PPP6R1: variants seen among roughly 807,000 people sequenced by gnomAD.
The protein encoded by PPP6R1 is protein phosphatase 6 regulatory subunit 1.
PPP6R1 carries 39 observed loss-of-function variants against 104.6 expected under a neutral mutation model. That is an observed-to-expected ratio of 0.37 (90% CI 0.29 to 0.49). PPP6R1 has a LOEUF of 0.49. Among genes scored for constraint, PPP6R1 ranks in the 20% least tolerant of loss-of-function variants. The pLI is 0.98. For missense variants in PPP6R1, 1,181 were observed against 1,155.8 expected (o/e 1.02, Z -0.32); for synonymous variants, 549 against 479.0 (o/e 1.15, Z -1.91).
At chr19:55,252,435 G>A (rs111836069) in intron 1 of PPP6R1, among the ~76,000 whole-genome samples, 414 of 139,790 alleles carry the variant, frequency 3.0e-3, no homozygotes, top group African/African-American at 0.011. Context: ...GTTTCGCTCT[G>A]TCACCCAGGC....
chr19:55,242,323 C>T (rs777220193), intron 6 of PPP6R1, 44 bp from the exon 7 acceptor site: 26 of 1,612,716 alleles, frequency 1.6e-5, no homozygotes, highest in African/African-American at 1.3e-4. Flanking sequence ...GCCAGGGGCC[C>T]AGGGCTTCCC....
rs367721320 is a variant in PPP6R1 at position 55,237,008 on chromosome 19, T to C, written c.1752-38A>G. ...GCAAGGCATGGTGAGAAGGTCCACC[T>C]GGGGGTGGGGGCAGCACAGGACAGG... On this transcript the variant is annotated intron_variant, in intron 15 of 23. Coordinates refer to ENST00000412770, the MANE Select transcript of PPP6R1 (RefSeq NM_014931.4). The C allele has an allele frequency of 5.9e-5, 91 of 1,553,430 alleles. No individual in the cohort carries two copies. The African/African-American group carries it at 1.1e-3, about 18-fold the overall frequency.
intron 1 of PPP6R1, among the ~76,000 whole-genome samples, chr19:55,253,198 T>A (rs2087567015): frequency 6.6e-6 from 1 of 152,142 alleles, no homozygotes; most frequent in African/African-American, 2.4e-5. Context: ...CGGCTCCACA[T>A]CAAGACCAAG....
intron 1 of PPP6R1, among the ~76,000 whole-genome samples, chr19:55,256,322 C>T (rs577434529): frequency 8.5e-5 from 13 of 152,350 alleles, no homozygotes; most frequent in African/African-American, 2.4e-4. Context: ...CGGTTCTTTT[C>T]GGTGTTGGGG....
At position 55,230,138 on chromosome 19, in the gene PPP6R1, C is replaced by T. The variant is rs2087326061; in HGVS notation, c.*390G>A. The stretch of plus-strand genomic sequence containing the variant: ...GACAGCTGGGCACGTGGGTGGCAAC[C>T]TTGGGACCCCTAACACCAGCTCCCG... On this transcript the variant is annotated 3_prime_UTR_variant, in exon 24 of 24. Coordinates refer to ENST00000412770, the MANE Select transcript of PPP6R1 (RefSeq NM_014931.4). The T allele has an allele frequency of 9.6e-6, 2 of 207,292 alleles. No individual in the cohort carries two copies. The highest frequency in any genetic ancestry group is 2.0e-4 in the South Asian group (2 of 9,856). The allele number at this position is 207,292 out of a possible 1,614,324, so 12.8% of individuals were successfully genotyped here. A position where few individuals can be genotyped will look rare whatever the true frequency, so the allele number is the denominator to read the frequency against.
chr19:55,243,864 G>C lies in PPP6R1; in HGVS notation c.618+1256C>G, dbSNP rs566158545. 1.2e-3 allele frequency among the ~76,000 whole-genome samples: 188 copies of C among 152,246 alleles called. 3 individuals carry two copies. In the South Asian group the frequency reaches 0.023, roughly 19 times the overall value. On this transcript the variant is annotated intron_variant, in intron 5 of 23. Coordinates refer to ENST00000412770, the MANE Select transcript of PPP6R1 (RefSeq NM_014931.4). ...GACAACGTCTTGCTATGTTGCCCAG[G>C]CTAGTCTCAAACTCCTGGGCTCAAG... is the stretch of plus-strand genomic sequence containing the variant.
chr19:55,257,548 A>G (rs2087602625), intron 1 of PPP6R1, among the ~76,000 whole-genome samples: 1 of 151,950 alleles, frequency 6.6e-6, no homozygotes, highest in African/African-American at 2.4e-5. Flanking sequence ...TCCTTCCTTG[A>G]CATATCTGCA....
Position 55,241,765 on chromosome 19 carries a change from C to G in PPP6R1, c.846-126G>C. 8.2e-7 allele frequency: 1 copy of G among 1,220,538 alleles called. No individual in the cohort carries two copies. Among genetic ancestry groups the G allele is most frequent in the Admixed American group, 2.9e-5 (1 of 34,424 alleles). The allele number at this position is 1,220,538 out of a possible 1,614,324, so 75.6% of individuals were successfully genotyped here. ...GAGGAGCCACATGCCCCCAGCGCCG[C>G]TCTCTTCTGAGGCCCTTCAGACAAC... On this transcript the variant is annotated intron_variant, in intron 7 of 23. Coordinates refer to ENST00000412770, the MANE Select transcript of PPP6R1 (RefSeq NM_014931.4). This position sits in a 1 kb window ranked among gnomAD's most constrained non-coding sequence, Gnocchi z 5.4.
At position 55,231,487 on chromosome 19, in the gene PPP6R1, AG is replaced by A. The variant is rs772979579; in HGVS notation, c.2381del (p.Pro794LeufsTer124). ...CCCCGATGCTAACCAAGGCCTGGCA[AG>A]GGGCTGTGGGGGATAAGAGATCTCA... ...EGSKVTEPSA[P>X]CQALVSIGDL... On this transcript the variant is annotated frameshift_variant, in exon 21 of 24. Transcript: ENST00000412770. LOFTEE classifies it high-confidence loss of function. 2 of 1,607,446 alleles carry A rather than the reference AG, an allele frequency of 1.2e-6. No homozygotes were observed. Among genetic ancestry groups the A allele is most frequent in the South Asian group, 1.1e-5 (1 of 89,486 alleles).
chr19:55,241,673 C>A lies in PPP6R1; in HGVS notation c.846-34G>T. 2 of 1,520,984 alleles carry A rather than the reference C, an allele frequency of 1.3e-6. No individual in the cohort carries two copies. The highest frequency in any genetic ancestry group is 1.3e-5 in the South Asian group (1 of 79,168). The allele number at this position is 1,520,984 out of a possible 1,614,324, so 94.2% of individuals were successfully genotyped here. On this transcript the variant is annotated intron_variant, in intron 7 of 23. Coordinates refer to ENST00000412770, the MANE Select transcript of PPP6R1 (RefSeq NM_014931.4). The surrounding 1 kb of genome is among the most constrained non-coding windows in gnomAD (Gnocchi z 5.4). Reference sequence around the variant, plus strand: ...GGGCAGGGTCGAAGGCGGAGTGAGCCTAGATGGCCTGTGCGCCCACACAGG... The same window carrying A: ...GGGCAGGGTCGAAGGCGGAGTGAGCATAGATGGCCTGTGCGCCCACACAGG...
rs1026613525 is a variant in PPP6R1, at chr19:55,232,096, T to A, written c.2104A>T (p.Ser702Cys). The change falls in exon 18 of 24, where the codon AGC (serine) becomes TGC (cysteine). Residue 702 changes from serine to cysteine, a missense_variant. Physicochemically the swap from Ser to Cys is moderately radical, Grantham distance 112 (BLOSUM62 -1). Around this residue, in one of 2 missense-constraint regions of PPP6R1, gnomAD observed 1,042 missense variants for 955.6 expected, o/e 1.09. Transcript: ENST00000412770. Reference sequence around the variant, plus strand: ...TCACCTGGAGGCTGAGGGCCAGGGCTGGGGTAGGACAGAGGGGTGGCCCCT... The same window carrying A: ...TCACCTGGAGGCTGAGGGCCAGGGCAGGGGTAGGACAGAGGGGTGGCCCCT... ...RGGATPLSYP[S>C]PGPQPPGPSW... is the part of the protein sequence containing the mutation. 2.2e-5 allele frequency: 36 copies of A among 1,609,944 alleles called. No individual in the cohort carries two copies. The highest frequency in any genetic ancestry group is 3.1e-5 in the Non-Finnish European group (36 of 1,178,218).
chr19:55,230,738 A>ACCGCC, intron 22 of PPP6R1, 36 bp downstream of exon 22: 3 of 925,642 alleles, frequency 3.2e-6, no homozygotes, highest in Non-Finnish European at 1.6e-6. Flanking sequence ...CACCAGCCCC[A>ACCGCC]CCCCCACCCC....
At position 55,240,606 on chromosome 19, in the gene PPP6R1, C is replaced by T. The variant is rs367965769; in HGVS notation, c.1297-306G>A. ...ATGCTCACACATACATGTTCACATA[C>T]TCGTGTGCACTCACACACATACATG... On this transcript the variant is annotated intron_variant, in intron 10 of 23. Coordinates refer to ENST00000412770, the MANE Select transcript of PPP6R1 (RefSeq NM_014931.4). Among the ~76,000 whole-genome samples the T allele has an allele frequency of 7.3e-5, 11 of 151,528 alleles. No homozygotes were observed. The East Asian group carries it at 2.1e-3, about 29-fold the overall frequency.
rs537805563 is a variant in PPP6R1, at chr19:55,236,670, G to A, written c.1961C>T (p.Ala654Val). 66 of 1,589,348 alleles carry A rather than the reference G, an allele frequency of 4.2e-5. No homozygotes were observed. In the Admixed American group the frequency reaches 1.1e-3, roughly 27 times the overall value. Residue 654 changes from alanine to valine, a missense_variant, in exon 17 of 24, where the codon GCC (alanine) becomes GTC (valine). This residue lies in a region of PPP6R1 where 1,042 missense variants were observed against 955.6 expected (regional missense o/e 1.09). Transcript: ENST00000412770. ...GACACCAGGTGGCTGGCCCAGACGG[G>A]CCCCCCTGGCCAGCTGGCTGCCCTG... Reference protein sequence around the residue: ...AWQGSQLARGARLGQPPGVRS... With the variant: ...AWQGSQLARGVRLGQPPGVRS...
intron 1 of PPP6R1, among the ~76,000 whole-genome samples, chr19:55,248,878 T>G (rs980350461): frequency 2.0e-5 from 3 of 152,186 alleles, no homozygotes; most frequent in Non-Finnish European, 2.9e-5. Context: ...CTGGCTAGCT[T>G]GAAGCCAGGC....
chr19:55,236,965 G>T lies in PPP6R1; in HGVS notation c.1757C>A (p.Pro586His). The change falls in exon 16 of 24, where the codon CCT (proline) becomes CAT (histidine). Residue 586 changes from proline (P) to histidine (H), a missense_variant. Around this residue, in one of 2 missense-constraint regions of PPP6R1, gnomAD observed 1,042 missense variants for 955.6 expected, o/e 1.09. Transcript: ENST00000412770. ...FGEQEESVNA[P>H]FDKTANITFS... Reference sequence around the variant, plus strand: ...GGTGATGTTGGCTGTCTTGTCAAAAGGTGCGCTAGGAGAGAAGGCAAGGCA... The same window carrying T: ...GGTGATGTTGGCTGTCTTGTCAAAATGTGCGCTAGGAGAGAAGGCAAGGCA... 8.1e-6 allele frequency: 13 copies of T among 1,611,652 alleles called. No individual in the cohort carries two copies. Among genetic ancestry groups the T allele is most frequent in the Non-Finnish European group, 1.1e-5 (13 of 1,177,758 alleles).
In PPP6R1 at chr19:55,241,334, G is replaced by A; in HGVS notation, c.1066C>T (p.Leu356=). The A allele has an allele frequency of 1.9e-6, 3 of 1,611,806 alleles. No individual in the cohort carries two copies. Among genetic ancestry groups the A allele is most frequent in the Non-Finnish European group, 2.5e-6 (3 of 1,179,738 alleles). Residue 356 remains leucine (L), a synonymous_variant, in exon 9 of 24, where the codon CTG becomes TTG. Transcript: ENST00000412770. This position sits in a 1 kb window ranked among gnomAD's most constrained non-coding sequence, Gnocchi z 5.4. ...CTGGCCAGGAGCTTGACCACGTGCA[G>A]CCGCGTGTTGCCCAGAGGCGGAGCC... ...MLAPPLGNTR[L]HVVKLLASAL...
In PPP6R1 at chr19:55,246,884, G is replaced by A. The variant is rs908437763; in HGVS notation, c.220C>T (p.Arg74Cys). The A allele has an allele frequency of 1.9e-6, 3 of 1,598,564 alleles. No homozygotes were observed. Among genetic ancestry groups the A allele is most frequent in the Admixed American group, 1.7e-5 (1 of 58,114 alleles). ...AGGAGCTGGGGAACTCACTTGTAGC[G>A]CAGCCGCTCCTCACCGCTATCTGGC... ...EPPDSGEERL[R>C]YKYPSVACEI... is the part of the protein sequence containing the mutation. Residue 74 changes from arginine (R) to cysteine (C), a missense_variant, in exon 2 of 24, where the codon CGC becomes TGC. Physicochemically the swap from Arg to Cys is radical, Grantham distance 180. Transcript: ENST00000412770.
chr19:55,231,881 G>C lies in PPP6R1; in HGVS notation c.2227C>G (p.Gln743Glu), dbSNP rs2087351470. The change falls in exon 19 of 24, where the codon CAG becomes GAG. Residue 743 changes from glutamine (Q) to glutamate (E), a missense_variant. Coordinates refer to ENST00000412770, the MANE Select transcript of PPP6R1 (RefSeq NM_014931.4). ...CCCTGGGGCACACTGAGGGGCCCCT[G>C]TGGGGCTGGAGGCCCAGTGTGCAGC... ...EELHTGPPAP[Q>E]GPLSVPQGLP... 1.3e-6 allele frequency: 2 copies of C among 1,510,674 alleles called. No individual in the cohort carries two copies. Among genetic ancestry groups the C allele is most frequent in the East Asian group, 4.6e-5 (2 of 43,108 alleles). The allele number at this position is 1,510,674 out of a possible 1,614,324, so 93.6% of individuals were successfully genotyped here.
Sources: allele counts gnomAD v4.1 joint callset (sites outside exome capture counted in the v4.1 genomes callset), GRCh38; gene constraint gnomAD v4.1.1; regional missense constraint gnomAD v4.1.1; non-coding constraint Gnocchi (gnomAD v3.1); transcripts MANE v1.5; gene names NCBI Gene and HGNC (gene_info 2026-07-23, HGNC 2026-07-21).